Variants in LRRC9 observed in about 807,000 individuals in gnomAD.
LRRC9 encodes the protein leucine-rich repeat-containing protein 9.
In LRRC9, 122 loss-of-function variants were observed where a neutral mutation model predicts 63.2. The ratio of observed to expected loss-of-function variants is 1.93; its 90% CI spans 1.67 to 2.24. The LOEUF (loss-of-function observed/expected upper bound fraction) is 2.24, where lower values mean the gene tolerates loss of function less well. LRRC9 is among the 30% of genes most tolerant of loss of function. LRRC9 has a pLI of 0.00. For missense variants in LRRC9, 1,071 were observed against 627.7 expected (o/e 1.71, Z -7.55); for synonymous variants, 366 against 213.1 (o/e 1.72, Z -6.25).
At chr14:60,016,679 G>A in exon 24 of LRRC9, 1 of 700,030 alleles carries the variant, frequency 1.4e-6, no homozygotes, top group South Asian at 1.5e-5. Context: ...GAGACTGACA[G>A]TGCAAAAGAT....
intron 29 of LRRC9, among the ~76,000 whole-genome samples, chr14:60,040,966 A>G (rs1892895886): frequency 6.6e-6 from 1 of 151,840 alleles, no homozygotes; most frequent in African/African-American, 2.4e-5. Flanking sequence ...TGGTGACAAA[A>G]TCTCTCAGCA....
chr14:59,925,132 A>T (rs1889103685), intron 1 of LRRC9, among the ~76,000 whole-genome samples: 1 of 152,148 alleles, frequency 6.6e-6, no homozygotes, highest in East Asian at 1.9e-4. Context: ...ATGAACAAAG[A>T]GTCCAATGTA....
intron 27 of LRRC9, among the ~76,000 whole-genome samples, chr14:60,023,651 A>AT (rs1221357817): frequency 2.6e-5 from 4 of 151,946 alleles, no homozygotes; most frequent in African/African-American, 9.7e-5. Flanking sequence ...CTTTACAGTA[A>AT]TTTTTTTATT....
rs2140428754 is a variant in LRRC9, at chr14:60,051,207, T to A, written c.3991-1858T>A. Among the ~76,000 whole-genome samples the A allele has an allele frequency of 6.6e-6, 1 of 152,228 alleles. No individual in the cohort carries two copies. The highest frequency in any genetic ancestry group is 2.1e-4 in the South Asian group (1 of 4,820). ...TGAGTCAACCAAACAACAGAGACAC[T>A]GTCTGCCTCTCCCCACAGGAGTTCC... On this transcript the variant is annotated intron_variant, in intron 29 of 31. Transcript: ENST00000445360. This position sits in a 1 kb window ranked among gnomAD's most constrained non-coding sequence, Gnocchi z 4.7.
chr14:60,055,180 T>G (rs1471151829), intron 30 of LRRC9, among the ~76,000 whole-genome samples: 1 of 152,266 alleles, frequency 6.6e-6, no homozygotes, highest in Admixed American at 6.5e-5. Flanking sequence ...TTACAATGTT[T>G]AAAAAAGATT....
At chr14:59,934,669 C>T (rs553655292) in intron 6 of LRRC9, among the ~76,000 whole-genome samples, 2 of 152,250 alleles carry the variant, frequency 1.3e-5, no homozygotes, top group South Asian at 4.2e-4. Flanking sequence ...CACGCATGCA[C>T]GTGCACACAT....
intron 17 of LRRC9, among the ~76,000 whole-genome samples, chr14:59,989,130 G>T (rs1887791726): frequency 6.6e-6 from 1 of 151,392 alleles, no homozygotes; most frequent in South Asian, 2.1e-4. Flanking sequence ...TCTTGGTGTT[G>T]GTTGTTCTGG....
At chr14:59,992,720 C>G (rs897348465) in intron 17 of LRRC9, among the ~76,000 whole-genome samples, 8 of 151,956 alleles carry the variant, frequency 5.3e-5, no homozygotes, top group Non-Finnish European at 1.0e-4. Context: ...GATGGAAAAT[C>G]AAATGAATGA....
chr14:59,990,271 A>G lies in LRRC9; in HGVS notation c.2211+5047A>G, dbSNP rs1365931393. On this transcript the variant is annotated intron_variant, in intron 17 of 31. Coordinates refer to ENST00000445360, the Ensembl canonical transcript of LRRC9. This position sits in a 1 kb window ranked among gnomAD's most constrained non-coding sequence, Gnocchi z 4.2. ...ACCTCTCGTGTCCTTATCCTGTTTCATTTTGAGTTTAGCCCCAACAGTTTC... is the reference window on the plus strand; with the variant it reads ...ACCTCTCGTGTCCTTATCCTGTTTCGTTTTGAGTTTAGCCCCAACAGTTTC... 2.0e-5 allele frequency among the ~76,000 whole-genome samples: 3 copies of G among 151,964 alleles called. No homozygotes were observed. The highest frequency in any genetic ancestry group is 4.4e-5 in the Non-Finnish European group (3 of 68,000).
chr14:59,929,974 C>T, intron 3 of LRRC9, among the ~76,000 whole-genome samples: 1 of 151,950 alleles, frequency 6.6e-6, no homozygotes, highest in Non-Finnish European at 1.5e-5. Context: ...GGGTACTATG[C>T]TTAATACGTG....
chr14:59,941,033 T>G (rs895493828), intron 7 of LRRC9, among the ~76,000 whole-genome samples: 9 of 151,712 alleles, frequency 5.9e-5, no homozygotes, highest in African/African-American at 2.2e-4. Flanking sequence ...CTTCCCTCTT[T>G]CCCCAAAATC....
chr14:60,031,131 T>C lies in LRRC9; in HGVS notation c.3922-864T>C, dbSNP rs941870832. ...GATAGAAACTGCTTGTGGGTAAAAA[T>C]GCACAATATCTCTATAGATTTACAG... On this transcript the variant is annotated intron_variant, in intron 28 of 31. Transcript: ENST00000445360. This position sits in a 1 kb window ranked among gnomAD's most constrained non-coding sequence, Gnocchi z 4.6. Among the ~76,000 whole-genome samples, 1 of 152,054 alleles carries C rather than the reference T, an allele frequency of 6.6e-6. No individual in the cohort carries two copies. Among genetic ancestry groups the C allele is most frequent in the Admixed American group, 6.6e-5 (1 of 15,236 alleles).
At chr14:60,022,832 T>C (rs944207266) in exon 27 of LRRC9, 2 of 682,998 alleles carry the variant, frequency 2.9e-6, no homozygotes, top group Non-Finnish European at 2.7e-6. Context: ...CAGCTACAAC[T>C]TAACAGACTA....
chr14:59,979,187 C>T (rs1886642356), intron 15 of LRRC9, among the ~76,000 whole-genome samples: 1 of 151,980 alleles, frequency 6.6e-6, no homozygotes, highest in Non-Finnish European at 1.5e-5. Context: ...TTGCTTGAGC[C>T]CAGGAGTTTG....
At chr14:60,059,924 T>C (rs1595133906) in intron 31 of LRRC9, among the ~76,000 whole-genome samples, 1 of 152,204 alleles carries the variant, frequency 6.6e-6, no homozygotes, top group East Asian at 1.9e-4. Context: ...GCAACAGCCT[T>C]ATATCAGAAG....
At chr14:60,061,476 T>C (rs1894655669) in intron 31 of LRRC9, among the ~76,000 whole-genome samples, 1 of 152,220 alleles carries the variant, frequency 6.6e-6, no homozygotes, top group Non-Finnish European at 1.5e-5. Context: ...TACATTGTTT[T>C]TTTAAACATA....
intron 12 of LRRC9, among the ~76,000 whole-genome samples, chr14:59,974,300 T>C (rs1057436491): frequency 2.0e-5 from 3 of 152,110 alleles, no homozygotes; most frequent in African/African-American, 4.8e-5. Context: ...TTGCTCCTGC[T>C]CCACATAGTA....
Position 60,015,046 on chromosome 14 carries a change from C to T in LRRC9, c.3187-1614C>T, listed in dbSNP as rs549226029. On this transcript the variant is annotated intron_variant, in intron 23 of 31. Coordinates refer to ENST00000445360, the Ensembl canonical transcript of LRRC9. ...TCTTCAAGTTCAGTTATTCTTTTCT[C>T]TTTTCTTTCCACTCTGCTATTGAGT... Among the ~76,000 whole-genome samples the T allele has an allele frequency of 2.0e-4, 31 of 152,142 alleles. No homozygotes were observed. The East Asian group carries it at 6.0e-3, about 29-fold the overall frequency.
chr14:59,928,528 G>T, intron 3 of LRRC9, 42 bp downstream of exon 3: 3 of 544,488 alleles, frequency 5.5e-6, no homozygotes, highest in Middle Eastern at 4.4e-4. Context: ...ATTTTATTCT[G>T]AATTATTTGG....
Sources: allele counts gnomAD v4.1 joint callset (sites outside exome capture counted in the v4.1 genomes callset), GRCh38; gene constraint gnomAD v4.1.1; non-coding constraint Gnocchi (gnomAD v3.1); transcripts MANE v1.5; gene names NCBI Gene and HGNC (gene_info 2026-07-23, HGNC 2026-07-21).